The following PCGF3 variants were observed in gnomAD, a reference collection of about 807,000 sequenced individuals.
The protein encoded by PCGF3 is polycomb group RING finger protein 3.
A neutral mutation model predicts 33.1 loss-of-function variants in PCGF3; 7 were observed. That is an observed-to-expected ratio of 0.21 (90% CI 0.12 to 0.40). The LOEUF is 0.40. Ranked by LOEUF, PCGF3 falls within the 10% of genes least tolerant of loss-of-function variation. The pLI, the probability that PCGF3 is intolerant of heterozygous loss-of-function variation, is 1.00. For synonymous variants in PCGF3, 153 were observed against 121.3 expected (o/e 1.26, Z -1.72); for missense variants, 211 against 313.3 (o/e 0.67, Z 2.46).
At chr4:722,987 C>G (rs1425159018) in intron 1 of PCGF3, among the ~76,000 whole-genome samples, 2 of 147,434 alleles carry the variant, frequency 1.4e-5, no homozygotes, top group Non-Finnish European at 3.0e-5. Context: ...CAGTCATCGC[C>G]CGTCCGTGCC....
At chr4:712,511 G>C (rs1020337066) in intron 1 of PCGF3, among the ~76,000 whole-genome samples, 1 of 152,176 alleles carries the variant, frequency 6.6e-6, no homozygotes, top group Non-Finnish European at 1.5e-5. Context: ...GCAGTGGCGC[G>C]ATCTCGGCTC....
At chr4:728,108 T>C (rs1035374128) in intron 1 of PCGF3, among the ~76,000 whole-genome samples, 2 of 152,222 alleles carry the variant, frequency 1.3e-5, no homozygotes, top group African/African-American at 4.8e-5. Context: ...AGGGTCAAGT[T>C]CATCATATCT....
At chr4:751,138 C>T (rs1744493157) in intron 8 of PCGF3, among the ~76,000 whole-genome samples, 1 of 152,064 alleles carries the variant, frequency 6.6e-6, no homozygotes, top group Admixed American at 6.5e-5. Flanking sequence ...CATTCTCTTT[C>T]TGTTCTTCTT....
chr4:761,845 T>C (rs1245432183), intron 9 of PCGF3: 2 of 985,112 alleles, frequency 2.0e-6, no homozygotes, highest in African/African-American at 1.7e-5. Context: ...AACATGCCAG[T>C]GTGGGTCCCT....
exon 7 of PCGF3, chr4:743,527 G>A: frequency 6.2e-7 from 1 of 1,613,868 alleles, no homozygotes; most frequent in Non-Finnish European, 8.5e-7. Flanking sequence ...GGAGGTGCCG[G>A]GAGACATCAA....
At chr4:733,865 T>C in intron 4 of PCGF3, 76 bp downstream of exon 4, 2 of 1,610,986 alleles carry the variant, frequency 1.2e-6, no homozygotes, top group Non-Finnish European at 1.7e-6. Context: ...TTGGCTTTTG[T>C]GTTACCACAC....
Position 729,217 on chromosome 4 carries a change from C to T in PCGF3, c.-189-1413C>T, listed in dbSNP as rs1002596981. 5.6e-4 allele frequency among the ~76,000 whole-genome samples: 84 copies of T among 151,336 alleles called. 4 individuals carry two copies. Among genetic ancestry groups the T allele is most frequent in the Admixed American group, 2.6e-4 (4 of 15,198 alleles). On this transcript the variant is annotated intron_variant, in intron 1 of 10. Transcript: ENST00000362003. ...ATCACTTGACCCCAGTAGTTCACGG[C>T]CAGCCTGGATAACAGACTGAGACCC...
At chr4:755,369 C>T (rs775018244) in intron 8 of PCGF3, among the ~76,000 whole-genome samples, 2 of 152,094 alleles carry the variant, frequency 1.3e-5, no homozygotes, top group Non-Finnish European at 2.9e-5. Context: ...GGCTCCTCTG[C>T]GTGTGAGTTG....
chr4:717,613 C>T (rs1337036867), intron 1 of PCGF3, among the ~76,000 whole-genome samples: 7 of 152,180 alleles, frequency 4.6e-5, no homozygotes, highest in East Asian at 1.9e-4. Flanking sequence ...CCCCTGACCT[C>T]GTGATCTGCC....
exon 4 of PCGF3, chr4:733,734 C>T: frequency 1.2e-6 from 2 of 1,612,562 alleles, no homozygotes; most frequent in Admixed American, 3.3e-5. Context: ...TCACCTGCCG[C>T]CTGTGCAGCG....
At chr4:714,289 A>AC (rs1480763460) in intron 1 of PCGF3, among the ~76,000 whole-genome samples, 1 of 152,142 alleles carries the variant, frequency 6.6e-6, no homozygotes, top group Non-Finnish European at 1.5e-5. Context: ...ACAGACCAGG[A>AC]CGGCACCCTC....
intron 1 of PCGF3, among the ~76,000 whole-genome samples, chr4:729,928 C>T (rs1429981646): frequency 6.6e-6 from 1 of 152,168 alleles, no homozygotes; most frequent in Non-Finnish European, 1.5e-5. Flanking sequence ...TGGGAGGCCA[C>T]CGAGGTTCCC....
chr4:762,870 G>C (rs1368129774), intron 9 of PCGF3: 1 of 152,294 alleles, frequency 6.6e-6, no homozygotes, highest in African/African-American at 2.4e-5. Context: ...ATAAGTTGCT[G>C]ATGTATTTGG....
chr4:732,792 C>T (rs574541563), intron 3 of PCGF3, among the ~76,000 whole-genome samples: 4 of 152,324 alleles, frequency 2.6e-5, no homozygotes, highest in African/African-American at 9.6e-5. Flanking sequence ...GTGTGGGGAG[C>T]GAAGTCCCAG....
intron 9 of PCGF3, chr4:762,272 G>A (rs530542570): frequency 1.0e-4 from 24 of 228,942 alleles, no homozygotes; most frequent in South Asian, 3.1e-4. Context: ...CAAGTGAGGC[G>A]GAGGAAGACT....
chr4:761,847 T>TGG (rs1745077608), intron 9 of PCGF3: 1 of 985,390 alleles, frequency 1.0e-6, no homozygotes, highest in Non-Finnish European at 1.2e-6. Flanking sequence ...CATGCCAGTG[T>TGG]GGGTCCCTGT....
At chr4:719,190 T>G (rs1742977194) in intron 1 of PCGF3, among the ~76,000 whole-genome samples, 1 of 152,168 alleles carries the variant, frequency 6.6e-6, no homozygotes, top group Non-Finnish European at 1.5e-5. Context: ...CCTGACCTTG[T>G]GATCTGCCTG....
At chr4:749,785 A>T (rs1744433707) in intron 8 of PCGF3, among the ~76,000 whole-genome samples, 1 of 151,992 alleles carries the variant, frequency 6.6e-6, no homozygotes, top group Non-Finnish European at 1.5e-5. Context: ...GAATTTTCTT[A>T]AAACTTTTTT....
intron 9 of PCGF3, among the ~76,000 whole-genome samples, chr4:764,244 G>C (rs1440740515): frequency 1.3e-5 from 2 of 152,204 alleles, no homozygotes; most frequent in Non-Finnish European, 2.9e-5. Flanking sequence ...GGAACTCCCT[G>C]TACCTTCCTC....
Sources: gnomAD v4.1 joint callset for allele counts (sites outside exome capture counted in the v4.1 genomes callset) on GRCh38, gnomAD v4.1.1 for gene constraint, MANE v1.5 for transcripts, NCBI Gene and HGNC (gene_info 2026-07-23, HGNC 2026-07-21) for gene names.